SLC7A7: variants seen among roughly 807,000 people sequenced by gnomAD.
SLC7A7 encodes the protein Y+L amino acid transporter 1.
In SLC7A7, 39 loss-of-function variants were observed where a neutral mutation model predicts 47.9. That is an observed-to-expected ratio of 0.81 (90% CI 0.63 to 1.06). The LOEUF (loss-of-function observed/expected upper bound fraction) is 1.06. Among genes scored for constraint, SLC7A7 ranks in the 50% least tolerant of loss-of-function variants. The probability of loss-of-function intolerance (pLI) is 0.00; values close to 1 mark genes in which losing one functional copy is unlikely to be tolerated. For synonymous variants in SLC7A7, 234 were observed against 242.8 expected (o/e 0.96, Z 0.34); for missense variants, 588 against 632.0 (o/e 0.93, Z 0.75).
intron 2 of SLC7A7, among the ~76,000 whole-genome samples, chr14:22,798,978 A>T (rs33999733): frequency 0.37 from 56,367 of 151,944 alleles, 12,207 homozygotes; most frequent in Non-Finnish European, 0.47. Flanking sequence ...GAGGGCAGAG[A>T]GTGGATAACA....
chr14:22,802,306 G>A (rs2039129453), intron 2 of SLC7A7, among the ~76,000 whole-genome samples: 1 of 152,138 alleles, frequency 6.6e-6, no homozygotes, highest in Non-Finnish European at 1.5e-5. Flanking sequence ...AGGACACTGA[G>A]GCAGGAGAAT....
At chr14:22,787,127 T>C (rs973376355) in intron 2 of SLC7A7, among the ~76,000 whole-genome samples, 3 of 152,110 alleles carry the variant, frequency 2.0e-5, no homozygotes, top group Admixed American at 6.6e-5. Context: ...GAGTCTTCAC[T>C]GAAGTCACCC....
chr14:22,774,057 TG>T lies in SLC7A7; in HGVS notation c.1304del (p.Pro435HisfsTer84), dbSNP rs766921608. The T allele has an allele frequency of 2.5e-6, 4 of 1,613,960 alleles. No homozygotes were observed. The highest frequency in any genetic ancestry group is 3.4e-6 in the Non-Finnish European group (4 of 1,179,994). The part of the protein sequence containing the change: ...CLCTIFLVAV[P>X]LYSDTINSLI... ...GGGAGTTGATAGTATCACTGTAAAGTGGAACAGCCACCAGGAAGATGGTGCA... is the reference window on the plus strand; with the variant it reads ...GGGAGTTGATAGTATCACTGTAAAGTGAACAGCCACCAGGAAGATGGTGCA... On this transcript the variant is annotated frameshift_variant, in exon 9 of 10. Transcript: ENST00000674313. LOFTEE classifies it high-confidence loss of function.
At chr14:22,799,128 C>T (rs1275586236) in intron 2 of SLC7A7, among the ~76,000 whole-genome samples, 4 of 152,168 alleles carry the variant, frequency 2.6e-5, no homozygotes, top group Admixed American at 2.6e-4. Flanking sequence ...AGGAGAAAGC[C>T]CACATGAAAA....
chr14:22,789,805 T>C (rs2038893149), intron 2 of SLC7A7, among the ~76,000 whole-genome samples: 2 of 151,512 alleles, frequency 1.3e-5, no homozygotes, highest in African/African-American at 2.4e-5. Flanking sequence ...TGAGAAAGAC[T>C]CTCCCAGTTA....
At chr14:22,801,404 G>A (rs1371622833) in intron 2 of SLC7A7, among the ~76,000 whole-genome samples, 1 of 152,090 alleles carries the variant, frequency 6.6e-6, no homozygotes, top group Non-Finnish European at 1.5e-5. Context: ...CTACAGGAAT[G>A]GTTTCTAAAT....
upstream of SLC7A7, among the ~76,000 whole-genome samples, chr14:22,818,659 G>A (rs553776022): frequency 1.3e-5 from 2 of 148,616 alleles, no homozygotes; most frequent in East Asian, 2.0e-4. Flanking sequence ...CTGGAGTGCA[G>A]TGGCACAATC....
Position 22,777,110 on chromosome 14 carries a change from C to G in SLC7A7, c.771-792G>C, listed in dbSNP as rs578137397. Among the ~76,000 whole-genome samples the G allele has an allele frequency of 3.9e-3, 546 of 141,042 alleles. 3 individuals are homozygous for G. The highest frequency in any genetic ancestry group is 6.9e-3 in the Non-Finnish European group (455 of 66,170). 92.5% of individuals were successfully genotyped at this position (141,042 alleles called of 152,430 possible). ...AGTGAACCATGACTGGGCCACTGCA[C>G]TCCAGCCTGGGCAAGGCAGCCAGAC... On this transcript the variant is annotated intron_variant, in intron 4 of 9. Coordinates refer to ENST00000674313, the MANE Select transcript of SLC7A7 (RefSeq NM_003982.4).
intron 2 of SLC7A7, among the ~76,000 whole-genome samples, chr14:22,794,508 C>T (rs946709120): frequency 6.6e-6 from 1 of 152,138 alleles, no homozygotes; most frequent in Non-Finnish European, 1.5e-5. Flanking sequence ...TTCAAGTCCT[C>T]AGGTACCAGA....
intron 1 of SLC7A7, chr14:22,815,107 C>G (rs1023268251): frequency 5.7e-6 from 2 of 349,140 alleles, no homozygotes; most frequent in Non-Finnish European, 1.1e-5. Context: ...TCACCCCGAG[C>G]CAAGGCAGGG....
chr14:22,817,670 T>C (rs1431880799), upstream of SLC7A7, among the ~76,000 whole-genome samples: 2 of 152,070 alleles, frequency 1.3e-5, no homozygotes, highest in Admixed American at 1.3e-4. Flanking sequence ...AGAGACGAGG[T>C]TTTGCCATGT....
chr14:22,788,705 GAAA>G (rs199558705), intron 2 of SLC7A7, among the ~76,000 whole-genome samples: 1 of 118,834 alleles, frequency 8.4e-6, no homozygotes, highest in Non-Finnish European at 1.8e-5. Flanking sequence ...CTCTGTCTGG[GAAA>G]AAAAAAAAAA....
chr14:22,800,517 T>C (rs2039093225), intron 2 of SLC7A7, among the ~76,000 whole-genome samples: 1 of 152,234 alleles, frequency 6.6e-6, no homozygotes, highest in African/African-American at 2.4e-5. Flanking sequence ...CTTTGGGTGC[T>C]ACAACACTCA....
chr14:22,804,975 C>A (rs753481014), intron 2 of SLC7A7, among the ~76,000 whole-genome samples: 3 of 152,194 alleles, frequency 2.0e-5, no homozygotes, highest in Non-Finnish European at 4.4e-5. Context: ...CCATTGCACT[C>A]CAGCCTGGGC....
At chr14:22,778,114 A>G (rs4981439) in intron 4 of SLC7A7, among the ~76,000 whole-genome samples, 1 of 152,050 alleles carries the variant, frequency 6.6e-6, no homozygotes, top group African/African-American at 2.4e-5. Flanking sequence ...ACTCCCTGGC[A>G]AATCTTAGTT....
chr14:22,782,456 A>AT (rs1488766019), intron 2 of SLC7A7, among the ~76,000 whole-genome samples: 9 of 145,726 alleles, frequency 6.2e-5, no homozygotes, highest in African/African-American at 2.0e-4. Context: ...TTATTTATTT[A>AT]TTTATTTATT....
At chr14:22,775,353 A>C (rs2038579637) in intron 7 of SLC7A7, 91 bp downstream of exon 7, 1 of 1,042,734 alleles carries the variant, frequency 9.6e-7, no homozygotes, top group Non-Finnish European at 1.5e-6. Context: ...GGAATCTTTC[A>C]GAGCTTTCAG....
At chr14:22,815,949 G>C, upstream of SLC7A7, 1 of 330,010 alleles carries the variant, frequency 3.0e-6, no homozygotes, top group Non-Finnish European at 6.0e-6. Context: ...TGTTCTAAGA[G>C]AACTCTGCAC....
rs373955003 is a variant in SLC7A7, at chr14:22,774,069, C to T, written c.1293G>A (p.Leu431=). ...PIVFCLCTIF[L]VAVPLYSDTI... is the part of the protein sequence containing the mutation. The stretch of plus-strand genomic sequence containing the variant: ...TATCACTGTAAAGTGGAACAGCCAC[C>T]AGGAAGATGGTGCAGAGGCAGAAGA... The change falls in exon 9 of 10, where the codon CTG becomes CTA. Residue 431 remains leucine (L), a synonymous_variant. Coordinates refer to ENST00000674313, the MANE Select transcript of SLC7A7 (RefSeq NM_003982.4). 9 of 1,613,988 alleles carry T rather than the reference C, an allele frequency of 5.6e-6. No homozygotes were observed. In the African/African-American group the frequency reaches 1.1e-4, roughly 19 times the overall value.
Sources: allele counts gnomAD v4.1 joint callset (sites outside exome capture counted in the v4.1 genomes callset), GRCh38; gene constraint gnomAD v4.1.1; transcripts MANE v1.5; gene names NCBI Gene and HGNC (gene_info 2026-07-23, HGNC 2026-07-21).